Variants in SANBR observed in about 807,000 individuals in gnomAD.
SANBR encodes the protein SANT and BTB domain regulator of CSR.
A neutral mutation model predicts 101.8 loss-of-function variants in SANBR; 77 were observed. The ratio of observed to expected loss-of-function variants is 0.76; its 90% CI spans 0.63 to 0.91. The LOEUF (loss-of-function observed/expected upper bound fraction) is 0.91. Among genes scored for constraint, SANBR ranks in the 40% least tolerant of loss-of-function variants. SANBR has a pLI of 0.00. For synonymous variants in SANBR, 279 were observed against 274.7 expected, an observed-to-expected ratio of 1.02 and a Z score of -0.15; for missense variants, 875 against 853.0, an observed-to-expected ratio of 1.03 and a Z score of -0.32.
In SANBR at chr2:61,123,710, G is replaced by A. The variant is rs371485439; in HGVS notation, c.*1548G>A. The stretch of plus-strand genomic sequence containing the variant: ...ATGCTCTTTTGATTTTTAACTGATG[G>A]TAAAAAGGCAAACTGCTTCTCCCCT... On this transcript the variant is annotated 3_prime_UTR_variant, in exon 22 of 22. Coordinates refer to ENST00000402291, the MANE Select transcript of SANBR (RefSeq NM_001129993.3). 4.1e-6 allele frequency: 4 copies of A among 984,902 alleles called. No individual in the cohort carries two copies. In the East Asian group the frequency reaches 3.3e-4, roughly 82 times the overall value. The allele number at this position is 984,902 out of a possible 1,614,324, so 61.0% of individuals were successfully genotyped here. A position where few individuals can be genotyped will look rare whatever the true frequency, so the allele number is the denominator to read the frequency against.
intron 11 of SANBR, among the ~76,000 whole-genome samples, chr2:61,093,702 ATT>A (rs1174994286): frequency 3.9e-5 from 6 of 152,060 alleles, no homozygotes; most frequent in Admixed American, 2.6e-4. Flanking sequence ...CAGCCAAACT[ATT>A]TTCTCTGTTG....
chr2:61,121,090 AAAATT>A, intron 20 of SANBR, 90 bp from the exon 21 acceptor site: 3 of 897,884 alleles, frequency 3.3e-6, no homozygotes, highest in Non-Finnish European at 5.1e-6. Flanking sequence ...AAATCAAAAT[AAAATT>A]ACTTCTAAAT....
intron 14 of SANBR, among the ~76,000 whole-genome samples, chr2:61,107,776 C>G (rs1458348929): frequency 6.6e-6 from 1 of 151,996 alleles, no homozygotes. Context: ...ATCCCAGCTA[C>G]TCGGGAGGCT....
chr2:61,071,816 G>C, intron 4 of SANBR, 24 bp downstream of exon 4: 1 of 1,459,140 alleles, frequency 6.9e-7, no homozygotes, highest in Non-Finnish European at 9.3e-7. Context: ...CTAAAATGTA[G>C]TACTTGCCCT....
chr2:61,097,902 G>A, intron 12 of SANBR, 50 bp downstream of exon 12: 1 of 1,467,902 alleles, frequency 6.8e-7, no homozygotes. Context: ...AAGTATAACA[G>A]TAATACATTA....
At chr2:61,115,823 G>C (rs1684050614) in intron 16 of SANBR, 156 bp from the exon 17 acceptor site, 1 of 506,508 alleles carries the variant, frequency 2.0e-6, no homozygotes, top group Non-Finnish European at 3.5e-6. Flanking sequence ...AGCAATTTCA[G>C]CTTTGCTTCA....
In SANBR at chr2:61,097,859, TTTG is replaced by T. The variant is rs1211317792; in HGVS notation, c.1365+8_1365+10del. The T allele has an allele frequency of 5.6e-6, 9 of 1,608,166 alleles. No individual in the cohort carries two copies. Among genetic ancestry groups the T allele is most frequent in the Non-Finnish European group, 7.6e-6 (9 of 1,176,612 alleles). On this transcript the variant is annotated splice_region_variant and intron_variant, in intron 12 of 21. Transcript: ENST00000402291. The stretch of plus-strand genomic sequence containing the variant: ...TCCTACTCAGCTTACAAAGGTGAAT[TTTG>T]AATATTGCCCTTAGTAGCTACAGTT...
At chr2:61,070,017 T>A (rs1259196282) in intron 2 of SANBR, among the ~76,000 whole-genome samples, 4 of 152,188 alleles carry the variant, frequency 2.6e-5, no homozygotes, top group Non-Finnish European at 5.9e-5. Flanking sequence ...TGTGATCTTG[T>A]AAAAATTACT....
In SANBR at chr2:61,070,392, T is replaced by C. The variant is rs575902284; in HGVS notation, c.42T>C (p.Asn14=). The change falls in exon 3 of 22, where the codon AAT becomes AAC. Residue 14 remains asparagine (N), a synonymous_variant. Transcript: ENST00000402291. ...CAGAAAACAACAATTTCCTGAACAA[T>C]AATAACCAAATGGTATTGGACATGA... The part of the protein sequence containing the change: ...GYSENNNFLN[N]NNQMVLDMIL... 1.3e-6 allele frequency: 2 copies of C among 1,597,822 alleles called. No homozygotes were observed. Among genetic ancestry groups the C allele is most frequent in the East Asian group, 2.3e-5 (1 of 43,378 alleles).
chr2:61,117,365 T>C lies in SANBR; in HGVS notation c.1845T>C (p.Ser615=), dbSNP rs760266477. Residue 615 remains serine (S), a synonymous_variant, in exon 18 of 22, where the codon TCT becomes TCC. Transcript: ENST00000402291. ...RKEKALEKSA[S]RDVSPFVMSM... ...TGTCTACTTTTTTTTAGTCAGCTTCTAGAGATGTGTCTCCTTTCGTGTGAG... is the reference window on the plus strand; with the variant it reads ...TGTCTACTTTTTTTTAGTCAGCTTCCAGAGATGTGTCTCCTTTCGTGTGAG... The C allele has an allele frequency of 5.0e-6, 8 of 1,613,822 alleles. No homozygotes were observed. Among genetic ancestry groups the C allele is most frequent in the Non-Finnish European group, 5.9e-6 (7 of 1,179,760 alleles).
rs565385253 is a variant in SANBR, at chr2:61,091,508, C to T, written c.1089-956C>T. On this transcript the variant is annotated intron_variant, in intron 10 of 21. Coordinates refer to ENST00000402291, the MANE Select transcript of SANBR (RefSeq NM_001129993.3). Reference sequence around the variant, plus strand: ...CCTCGGGAGGCTGAGGCAGGAGAATCGCTTGAACCCAGCAGGGCAGAGGTT... The same window carrying T: ...CCTCGGGAGGCTGAGGCAGGAGAATTGCTTGAACCCAGCAGGGCAGAGGTT... Among the ~76,000 whole-genome samples the T allele has an allele frequency of 8.6e-5, 13 of 151,730 alleles. No homozygotes were observed. In the South Asian group the frequency reaches 2.3e-3, roughly 27 times the overall value.
intron 21 of SANBR, among the ~76,000 whole-genome samples, chr2:61,137,254 C>T (rs1185468063): frequency 9.9e-5 from 15 of 151,964 alleles, no homozygotes. Flanking sequence ...TTCCAGTCTC[C>T]AGTCTGGGCA....
At chr2:61,125,254 A>G (rs1331630812), downstream of SANBR, among the ~76,000 whole-genome samples, 1 of 152,178 alleles carries the variant, frequency 6.6e-6, no homozygotes, top group Non-Finnish European at 1.5e-5. Context: ...TTATTGTTGC[A>G]TTGTTATGTT....
At chr2:61,071,402 T>G (rs1455359846) in intron 3 of SANBR, among the ~76,000 whole-genome samples, 1 of 151,776 alleles carries the variant, frequency 6.6e-6, no homozygotes, top group Non-Finnish European at 1.5e-5. Flanking sequence ...TCCAAAAAAT[T>G]TGCTGGGCAT....
downstream of SANBR, among the ~76,000 whole-genome samples, chr2:61,127,928 A>G (rs1029345978): frequency 6.6e-6 from 1 of 152,218 alleles, no homozygotes; most frequent in Non-Finnish European, 1.5e-5. Context: ...CACACATTAT[A>G]GTAAAAAATG....
At chr2:61,129,584 A>G (rs1398168743) in intron 20 of SANBR, among the ~76,000 whole-genome samples, 2 of 152,180 alleles carry the variant, frequency 1.3e-5, no homozygotes, top group African/African-American at 2.4e-5. Flanking sequence ...TATGTATATA[A>G]TTTTATTGTT....
At chr2:61,071,317 G>A (rs1237651956) in intron 3 of SANBR, among the ~76,000 whole-genome samples, 5 of 152,110 alleles carry the variant, frequency 3.3e-5, no homozygotes, top group Admixed American at 2.0e-4. Context: ...TTGGGAAGCC[G>A]AGGCAGGCAG....
At chr2:61,094,073 T>C (rs962547798) in intron 11 of SANBR, 19 of 983,730 alleles carry the variant, frequency 1.9e-5, no homozygotes, top group Non-Finnish European at 2.2e-5. Context: ...AATCTTCAGA[T>C]TGGGATTTTA....
chr2:61,129,110 C>A (rs979428459), downstream of SANBR, among the ~76,000 whole-genome samples: 1 of 152,080 alleles, frequency 6.6e-6, no homozygotes, highest in Non-Finnish European at 1.5e-5. Flanking sequence ...TGAGATAATT[C>A]ATTGCTAGCA....
Sources: gnomAD v4.1 joint callset for allele counts (sites outside exome capture counted in the v4.1 genomes callset) on GRCh38, gnomAD v4.1.1 for gene constraint, MANE v1.5 for transcripts, NCBI Gene and HGNC (gene_info 2026-07-23, HGNC 2026-07-21) for gene names.